SNX9: variants seen among roughly 807,000 people sequenced by gnomAD.
The protein encoded by SNX9 is sorting nexin 9, also known as sorting nexin-9.
SNX9 carries 44 observed loss-of-function variants against 89.4 expected under a neutral mutation model. That is an observed-to-expected ratio of 0.49 (90% confidence interval 0.39 to 0.63). The LOEUF (loss-of-function observed/expected upper bound fraction) is 0.63. Among genes scored for constraint, SNX9 ranks in the 30% least tolerant of loss-of-function variants. The probability of loss-of-function intolerance (pLI) is 0.00; values close to 1 mark genes in which losing one functional copy is unlikely to be tolerated. For missense variants in SNX9, 578 were observed against 736.1 expected (o/e 0.79, Z 2.49); for synonymous variants, 236 against 247.8 (o/e 0.95, Z 0.45).
At chr6:157,839,602 T>A (rs1781654766) in intron 1 of SNX9, among the ~76,000 whole-genome samples, 1 of 152,258 alleles carries the variant, frequency 6.6e-6, no homozygotes, top group South Asian at 2.1e-4. Context: ...ATTTTGCTTT[T>A]CTGTAATAAT....
chr6:157,879,989 A>ATAC (rs1171913248), intron 4 of SNX9, among the ~76,000 whole-genome samples: 1 of 152,206 alleles, frequency 6.6e-6, no homozygotes, highest in Non-Finnish European at 1.5e-5. Flanking sequence ...TCTCCTTCAA[A>ATAC]TACTAGAAAG....
At chr6:157,896,200 C>A (rs1782973451) in intron 4 of SNX9, among the ~76,000 whole-genome samples, 1 of 152,120 alleles carries the variant, frequency 6.6e-6, no homozygotes, top group South Asian at 2.1e-4. Flanking sequence ...AGTAGTAGTT[C>A]CTTAGAATGA....
At chr6:157,835,789 C>T (rs1781570777) in intron 1 of SNX9, among the ~76,000 whole-genome samples, 1 of 152,210 alleles carries the variant, frequency 6.6e-6, no homozygotes, top group Admixed American at 6.5e-5. Flanking sequence ...GTTCATGAGG[C>T]CTCCCTAGCC....
chr6:157,844,587 G>GTTT (rs1177648226), intron 1 of SNX9, among the ~76,000 whole-genome samples: 42 of 130,272 alleles, frequency 3.2e-4, no homozygotes, highest in African/African-American at 7.0e-4. Flanking sequence ...GCTAATCCTT[G>GTTT]TTTTTTTTTT....
At chr6:157,841,467 C>G (rs1332234460) in intron 1 of SNX9, among the ~76,000 whole-genome samples, 4 of 152,072 alleles carry the variant, frequency 2.6e-5, no homozygotes, top group Non-Finnish European at 4.4e-5. Context: ...TGAGACCTAC[C>G]TAGAGACCCA....
intron 3 of SNX9, among the ~76,000 whole-genome samples, chr6:157,873,464 A>G (rs1013502099): frequency 6.9e-6 from 1 of 145,700 alleles, no homozygotes; most frequent in Non-Finnish European, 1.5e-5. Context: ...TTCCTTTGCT[A>G]ATATTATCTA....
chr6:157,863,123 C>T (rs1338591863), intron 1 of SNX9, among the ~76,000 whole-genome samples: 1 of 152,242 alleles, frequency 6.6e-6, no homozygotes, highest in Non-Finnish European at 1.5e-5. Flanking sequence ...CTGTCCCCAA[C>T]TCCCATACCA....
rs113092501 is a variant in SNX9, at chr6:157,936,048, C to T, written c.1443+8C>T. On this transcript the variant is annotated splice_region_variant and intron_variant, in intron 14 of 17. Coordinates refer to ENST00000392185, the MANE Select transcript of SNX9 (RefSeq NM_016224.5). ...AGTCTCGTGGCAGAACAGGTACTAA[C>T]ATAATCACACAATTCCAATTAAGAT... 4,895 of 1,601,802 alleles carry T rather than the reference C, an allele frequency of 3.1e-3. 119 individuals are homozygous for T. The African/African-American group carries it at 0.053, about 17-fold the overall frequency.
intron 4 of SNX9, among the ~76,000 whole-genome samples, chr6:157,882,429 C>T (rs147504186): frequency 2.5e-4 from 38 of 152,282 alleles, no homozygotes; most frequent in African/African-American, 8.2e-4. Context: ...GCCCTTGGAT[C>T]GAGGAGTAAT....
intron 2 of SNX9, among the ~76,000 whole-genome samples, chr6:157,871,380 CA>C (rs1027101421): frequency 6.6e-6 from 1 of 150,836 alleles, no homozygotes; most frequent in Admixed American, 6.6e-5. Flanking sequence ...GACAGTGTCT[CA>C]AAAAAAAGAA....
chr6:157,870,332 G>T (rs1383249801), intron 2 of SNX9, among the ~76,000 whole-genome samples: 1 of 146,794 alleles, frequency 6.8e-6, no homozygotes, highest in African/African-American at 2.5e-5. Flanking sequence ...TCTCACCTGC[G>T]CTCACACTCA....
intron 4 of SNX9, among the ~76,000 whole-genome samples, chr6:157,875,569 G>A (rs1782501324): frequency 6.6e-6 from 1 of 152,110 alleles, no homozygotes; most frequent in Admixed American, 6.6e-5. Flanking sequence ...CCCTGGCCCT[G>A]GCATGTTGCT....
intron 3 of SNX9, among the ~76,000 whole-genome samples, chr6:157,873,499 G>A (rs995516720): frequency 1.4e-4 from 20 of 143,108 alleles, no homozygotes; most frequent in Non-Finnish European, 2.7e-4. Flanking sequence ...ATTATAAATT[G>A]TATAAATTCA....
intron 1 of SNX9, among the ~76,000 whole-genome samples, chr6:157,856,093 G>A (rs1263238320): frequency 6.6e-6 from 1 of 152,152 alleles, no homozygotes; most frequent in Non-Finnish European, 1.5e-5. Flanking sequence ...TGCCAGGCGG[G>A]TATGTTTTAT....
intron 2 of SNX9, among the ~76,000 whole-genome samples, chr6:157,869,312 C>T (rs1374052422): frequency 6.6e-6 from 1 of 152,154 alleles, no homozygotes; most frequent in Non-Finnish European, 1.5e-5. Flanking sequence ...AAACCTGTAT[C>T]TGCAGCTTCC....
At position 157,928,705 on chromosome 6, in the gene SNX9, AAGTCCACTCCTCAC is replaced by A; in HGVS notation, c.1288+7_1288+20del. ...GCACTGGAAGCGCTGCACGGGCCGT[AAGTCCACTCCTCAC>A]AGTGCACTGGGCTCGTAGGGGGTGA... is the stretch of plus-strand genomic sequence containing the variant. On this transcript the variant is annotated splice_donor_5th_base_variant and intron_variant, in intron 12 of 17. Transcript: ENST00000392185. The A allele has an allele frequency of 6.3e-7, 1 of 1,590,254 alleles. No individual in the cohort carries two copies. Among genetic ancestry groups the A allele is most frequent in the Middle Eastern group, 1.7e-4 (1 of 5,964 alleles).
At chr6:157,920,285 A>C (rs1783556635) in intron 9 of SNX9, among the ~76,000 whole-genome samples, 1 of 152,178 alleles carries the variant, frequency 6.6e-6, no homozygotes, top group Non-Finnish European at 1.5e-5. Context: ...ATACAGCCTC[A>C]GCCTGGAATA....
chr6:157,868,114 A>G (rs1328821432), intron 2 of SNX9, among the ~76,000 whole-genome samples: 1 of 152,188 alleles, frequency 6.6e-6, no homozygotes, highest in East Asian at 1.9e-4. Context: ...CTTTTCCTAA[A>G]TCAGATTAGG....
chr6:157,855,081 A>G (rs1029220883), intron 1 of SNX9, among the ~76,000 whole-genome samples: 6 of 151,674 alleles, frequency 4.0e-5, no homozygotes, highest in Admixed American at 6.6e-5. Flanking sequence ...TTTCTTTTAC[A>G]TTGTTACCGA....
Sources: gnomAD v4.1 joint callset for allele counts (sites outside exome capture counted in the v4.1 genomes callset) on GRCh38, gnomAD v4.1.1 for gene constraint, MANE v1.5 for transcripts, NCBI Gene and HGNC (gene_info 2026-07-23, HGNC 2026-07-21) for gene names.